PCSK6: variants seen among roughly 807,000 people sequenced by gnomAD.
PCSK6 encodes paired basic amino acid cleaving enzyme 4.
A neutral mutation model predicts 123.3 loss-of-function variants in PCSK6; 85 were observed. That is an observed-to-expected ratio of 0.69 (90% CI 0.58 to 0.83). The LOEUF (loss-of-function observed/expected upper bound fraction) is 0.83, where lower values mean the gene tolerates loss of function less well. Among genes scored for constraint, PCSK6 ranks in the 40% least tolerant of loss-of-function variants. The pLI, the probability that PCSK6 is intolerant of heterozygous loss-of-function variation, is 0.00. For synonymous variants in PCSK6, 508 were observed against 516.0 expected (o/e 0.98, Z 0.21); for missense variants, 1,191 against 1,282.3 (o/e 0.93, Z 1.09).
At position 101,305,177 on chromosome 15, in the gene PCSK6, C is replaced by T; in HGVS notation, c.*81G>A. 3.2e-6 allele frequency: 4 copies of T among 1,238,078 alleles called. No homozygotes were observed. The highest frequency in any genetic ancestry group is 4.6e-6 in the Non-Finnish European group (4 of 871,476). 76.7% of individuals were successfully genotyped at this position (1,238,078 alleles called of 1,614,324 possible). A position where few individuals can be genotyped will look rare whatever the true frequency, so the allele number is the denominator to read the frequency against. Reference sequence around the variant, plus strand: ...CAGGTGCAGGGCGCCGCTCCTGAAACAGACTCTGGCCGACAGTCTGGAGGA... The same window carrying T: ...CAGGTGCAGGGCGCCGCTCCTGAAATAGACTCTGGCCGACAGTCTGGAGGA... On this transcript the variant is annotated 3_prime_UTR_variant, in exon 22 of 22. Transcript: ENST00000611716. The surrounding 1 kb of genome is among the most constrained non-coding windows in gnomAD (Gnocchi z 4.8).
intron 1 of PCSK6, among the ~76,000 whole-genome samples, chr15:101,478,466 G>A (rs970076563): frequency 2.0e-5 from 3 of 152,160 alleles, no homozygotes; most frequent in Non-Finnish European, 4.4e-5. Flanking sequence ...CACCAAGGCC[G>A]CAGGACACAC....
At chr15:101,361,396 T>G (rs1255176350) in intron 13 of PCSK6, among the ~76,000 whole-genome samples, 1 of 93,800 alleles carries the variant, frequency 1.1e-5, no homozygotes, top group African/African-American at 5.2e-5. Context: ...TCTCATCCCC[T>G]GCCTTTATGT....
Position 101,322,570 on chromosome 15 carries a change from T to C in PCSK6, c.2415A>G (p.Lys805=), listed in dbSNP as rs117001662. 3.4e-3 allele frequency: 5,492 copies of C among 1,613,770 alleles called. 8 individuals are homozygous for C. The highest frequency in any genetic ancestry group is 4.2e-3 in the Non-Finnish European group (4,897 of 1,179,716). ...ATTTCTCAGGTTCATCCACGCACTT[T>C]TTACAGCTTGGGTGGCATTTAAGGC... is the stretch of plus-strand genomic sequence containing the variant. ...KNCLKCHPSC[K]KCVDEPEKCT... The change falls in exon 18 of 22, where the codon AAA becomes AAG. Residue 805 remains lysine (K), a synonymous_variant. Transcript: ENST00000611716.
At chr15:101,352,911 C>T (rs1164596686) in intron 13 of PCSK6, among the ~76,000 whole-genome samples, 2 of 152,200 alleles carry the variant, frequency 1.3e-5, no homozygotes, top group East Asian at 3.9e-4. Context: ...AACCAAGCAT[C>T]TATTCCAAGT....
intron 2 of PCSK6, among the ~76,000 whole-genome samples, chr15:101,435,748 G>A (rs938527951): frequency 6.6e-5 from 10 of 152,322 alleles, no homozygotes; most frequent in South Asian, 6.2e-4. Flanking sequence ...TTAAAATGAG[G>A]CATCCGTTGA....
At chr15:101,468,569 G>A in intron 1 of PCSK6, among the ~76,000 whole-genome samples, 1 of 152,058 alleles carries the variant, frequency 6.6e-6, no homozygotes. Context: ...TCAGAAGGTG[G>A]GCCATGACTC....
chr15:101,398,154 T>G lies in PCSK6; in HGVS notation c.996+250A>C, dbSNP rs1367492038. 1.3e-5 allele frequency among the ~76,000 whole-genome samples: 2 copies of G among 152,166 alleles called. No homozygotes were observed. The highest frequency in any genetic ancestry group is 4.8e-5 in the African/African-American group (2 of 41,440). On this transcript the variant is annotated intron_variant, in intron 7 of 21. Transcript: ENST00000611716. The surrounding 1 kb of genome is among the most constrained non-coding windows in gnomAD (Gnocchi z 4.6). ...AACTCCAAGGCAGAGAGGGTCGTGCTAGCAGTGGCCACCTGGCTGTCACTG... is the reference window on the plus strand; with the variant it reads ...AACTCCAAGGCAGAGAGGGTCGTGCGAGCAGTGGCCACCTGGCTGTCACTG...
rs929989631 is a variant in PCSK6, at chr15:101,398,042, C to T, written c.996+362G>A. Reference sequence around the variant, plus strand: ...GTTTCTAAGGGCAGGTGGGCCGAGGCCCCTGCAGAGTCCAAGTAACAGGCC... The same window carrying T: ...GTTTCTAAGGGCAGGTGGGCCGAGGTCCCTGCAGAGTCCAAGTAACAGGCC... On this transcript the variant is annotated intron_variant, in intron 7 of 21. Coordinates refer to ENST00000611716, the MANE Select transcript of PCSK6 (RefSeq NM_002570.5). This position sits in a 1 kb window ranked among gnomAD's most constrained non-coding sequence, Gnocchi z 4.6. Among the ~76,000 whole-genome samples, 3 of 152,204 alleles carry T rather than the reference C, an allele frequency of 2.0e-5. No homozygotes were observed. Among genetic ancestry groups the T allele is most frequent in the African/African-American group, 7.2e-5 (3 of 41,468 alleles).
intron 6 of PCSK6, among the ~76,000 whole-genome samples, chr15:101,409,324 G>T (rs1004786666): frequency 2.0e-5 from 3 of 151,926 alleles, no homozygotes; most frequent in Non-Finnish European, 4.4e-5. Flanking sequence ...AGTGGCTCAC[G>T]CCTGTAATCC....
intron 1 of PCSK6, among the ~76,000 whole-genome samples, chr15:101,469,102 G>A (rs776997387): frequency 3.4e-4 from 51 of 152,106 alleles, no homozygotes; most frequent in Admixed American, 9.2e-4. Context: ...TGAGAAACAC[G>A]TGTTTTTTTA....
intron 7 of PCSK6, among the ~76,000 whole-genome samples, chr15:101,394,443 C>T (rs1005660811): frequency 4.6e-5 from 7 of 152,112 alleles, no homozygotes; most frequent in Non-Finnish European, 7.4e-5. Context: ...TAAAGATTAG[C>T]GAGTGGAAGA....
intron 13 of PCSK6, among the ~76,000 whole-genome samples, chr15:101,357,083 C>T (rs771939207): frequency 1.3e-5 from 2 of 152,192 alleles, no homozygotes; most frequent in Non-Finnish European, 2.9e-5. Context: ...TTTTCATTTT[C>T]TTTTAAAGCA....
chr15:101,413,883 A>C (rs533629643), intron 6 of PCSK6, among the ~76,000 whole-genome samples: 14 of 152,318 alleles, frequency 9.2e-5, no homozygotes, highest in African/African-American at 3.4e-4. Flanking sequence ...AATTAATAAA[A>C]ATTTTTATAA....
intron 18 of PCSK6, 73 bp downstream of exon 18, chr15:101,322,447 A>G: frequency 9.7e-7 from 1 of 1,034,572 alleles, no homozygotes; most frequent in Non-Finnish European, 1.5e-6. Context: ...AAATGCACCA[A>G]CGTGGTAAAT....
chr15:101,475,882 T>C (rs944458013), intron 1 of PCSK6, among the ~76,000 whole-genome samples: 2 of 152,216 alleles, frequency 1.3e-5, no homozygotes, highest in African/African-American at 4.8e-5. Context: ...CTGGCAAATA[T>C]GACAATTGGT....
chr15:101,330,340 T>A (rs1318608101), intron 15 of PCSK6, among the ~76,000 whole-genome samples: 1 of 152,216 alleles, frequency 6.6e-6, no homozygotes, highest in Non-Finnish European at 1.5e-5. Context: ...ACTGCTCTCT[T>A]GCCCAAAGAG....
chr15:101,396,353 C>A (rs1327133615), intron 7 of PCSK6, among the ~76,000 whole-genome samples: 1 of 152,114 alleles, frequency 6.6e-6, no homozygotes, highest in Non-Finnish European at 1.5e-5. Flanking sequence ...AGAGCCCGAA[C>A]GATCACTGCC....
intron 20 of PCSK6, among the ~76,000 whole-genome samples, chr15:101,310,129 C>T (rs980380409): frequency 2.0e-5 from 3 of 152,008 alleles, no homozygotes; most frequent in South Asian, 4.1e-4. Flanking sequence ...GGAGAGACCC[C>T]GCAGAACCAA....
intron 13 of PCSK6, among the ~76,000 whole-genome samples, chr15:101,351,365 GA>G (rs2040886481): frequency 6.6e-6 from 1 of 152,212 alleles, no homozygotes; most frequent in Admixed American, 6.5e-5. Flanking sequence ...TTCAGTATTT[GA>G]AAATTATTTT....
Sources: allele counts gnomAD v4.1 joint callset (sites outside exome capture counted in the v4.1 genomes callset), GRCh38; gene constraint gnomAD v4.1.1; non-coding constraint Gnocchi (gnomAD v3.1); transcripts MANE v1.5; gene names NCBI Gene and HGNC (gene_info 2026-07-23, HGNC 2026-07-21).